The following SLC38A1 variants were observed in gnomAD, a reference collection of about 807,000 sequenced individuals.
SLC38A1 encodes solute carrier family 38 member 1, also known as sodium-coupled neutral amino acid symporter 1.
Under a neutral mutation model 60.3 loss-of-function variants are expected in SLC38A1, and 18 were observed. The ratio of observed to expected loss-of-function variants is 0.30; its 90% CI spans 0.21 to 0.44. The LOEUF (loss-of-function observed/expected upper bound fraction) is 0.44. SLC38A1 is among the 20% of genes least tolerant of loss of function. The probability of loss-of-function intolerance (pLI) is 1.00; values close to 1 mark genes in which losing one functional copy is unlikely to be tolerated. For missense variants in SLC38A1, 448 were observed against 587.2 expected (o/e 0.76, Z 2.45); for synonymous variants, 196 against 212.1 (o/e 0.92, Z 0.66).
At chr12:46,191,562 T>C (rs1458901832) in intron 16 of SLC38A1, among the ~76,000 whole-genome samples, 2 of 152,246 alleles carry the variant, frequency 1.3e-5, no homozygotes. Context: ...TTCCTATCCA[T>C]GAGCGTGGAA....
chr12:46,219,801 T>C (rs539047728), intron 5 of SLC38A1, among the ~76,000 whole-genome samples: 2 of 152,336 alleles, frequency 1.3e-5, no homozygotes, highest in East Asian at 3.9e-4. Flanking sequence ...ATAGCCAGTA[T>C]AGTTAAGTTG....
At chr12:46,211,921 T>A (rs942630449) in intron 5 of SLC38A1, among the ~76,000 whole-genome samples, 1 of 152,224 alleles carries the variant, frequency 6.6e-6, no homozygotes, top group Non-Finnish European at 1.5e-5. Flanking sequence ...CCCTTTTCTA[T>A]CAGATCACTA....
intron 5 of SLC38A1, among the ~76,000 whole-genome samples, chr12:46,222,502 C>A (rs956050375): frequency 2.0e-5 from 3 of 152,124 alleles, no homozygotes; most frequent in African/African-American, 7.2e-5. Flanking sequence ...TACTATGCTA[C>A]GCAGTAACAT....
At chr12:46,197,006 G>A (rs1255706964) in intron 16 of SLC38A1, among the ~76,000 whole-genome samples, 1 of 152,210 alleles carries the variant, frequency 6.6e-6, no homozygotes, top group Non-Finnish European at 1.5e-5. Flanking sequence ...CATGTTCCCT[G>A]GGCTGTAGGG....
intron 1 of SLC38A1, among the ~76,000 whole-genome samples, chr12:46,257,029 G>A (rs566417703): frequency 2.0e-5 from 3 of 152,286 alleles, no homozygotes; most frequent in South Asian, 2.1e-4. Flanking sequence ...TGGAGAAGGC[G>A]AAATGCTCAG....
intron 3 of SLC38A1, among the ~76,000 whole-genome samples, chr12:46,235,428 C>T (rs1492893): frequency 0.53 from 80,404 of 151,744 alleles, 21,416 homozygotes; most frequent in Non-Finnish European, 0.55. Flanking sequence ...AAGCAAGTAA[C>T]AAAGATATTG....
chr12:46,257,215 G>A (rs1391057832), intron 1 of SLC38A1, among the ~76,000 whole-genome samples: 1 of 152,126 alleles, frequency 6.6e-6, no homozygotes, highest in East Asian at 1.9e-4. Context: ...GTCACCCACA[G>A]CCATCAGCAG....
chr12:46,206,835 G>C (rs1387828081), intron 8 of SLC38A1, among the ~76,000 whole-genome samples: 1 of 152,080 alleles, frequency 6.6e-6, no homozygotes, highest in Non-Finnish European at 1.5e-5. Context: ...TTTGTTGCAC[G>C]TTCCACTTTT....
In SLC38A1 at chr12:46,251,613, C is replaced by G. The variant is rs140049892; in HGVS notation, c.-208-8299G>C. 5.3e-5 allele frequency among the ~76,000 whole-genome samples: 8 copies of G among 152,216 alleles called. No homozygotes were observed. In the East Asian group the frequency reaches 1.2e-3, roughly 22 times the overall value. On this transcript the variant is annotated intron_variant, in intron 1 of 16. Transcript: ENST00000398637. ...CTGACAAAGGGCTCATATCCAGAATCTACAAAGAACTTAAATAAATTTTCA... is the reference window on the plus strand; with the variant it reads ...CTGACAAAGGGCTCATATCCAGAATGTACAAAGAACTTAAATAAATTTTCA...
intron 1 of SLC38A1, among the ~76,000 whole-genome samples, chr12:46,251,578 A>G (rs898307391): frequency 3.3e-5 from 5 of 152,194 alleles, no homozygotes; most frequent in African/African-American, 4.8e-5. Flanking sequence ...ATGGGAGAAA[A>G]TCTACCCATC....
In SLC38A1 at chr12:46,186,891, G is replaced by T. The variant is rs1485081107; in HGVS notation, c.*2079C>A. On this transcript the variant is annotated 3_prime_UTR_variant, in exon 17 of 17. Coordinates refer to ENST00000398637, the MANE Select transcript of SLC38A1 (RefSeq NM_030674.4). ...GCAAACTAAATTATGTATTTTTAAA[G>T]GTACAGTCATCCCACTACCTGGCTA... The T allele has an allele frequency of 6.6e-6, 1 of 152,122 alleles. No homozygotes were observed. The highest frequency in any genetic ancestry group is 1.5e-5 in the Non-Finnish European group (1 of 68,018). The allele number at this position is 152,122 out of a possible 1,614,324, so 9.4% of individuals were successfully genotyped here.
At chr12:46,240,820 T>C (rs1184901815) in intron 2 of SLC38A1, among the ~76,000 whole-genome samples, 1 of 152,220 alleles carries the variant, frequency 6.6e-6, no homozygotes, top group Non-Finnish European at 1.5e-5. Context: ...ATCCAACTGC[T>C]ACTATATTAC....
rs1938895109 is a variant in SLC38A1, at chr12:46,185,247, TGCTACTGGTCTAGGG to T, written c.*3708_*3722del. 6.6e-6 allele frequency: 1 copy of T among 152,228 alleles called. No homozygotes were observed. The highest frequency in any genetic ancestry group is 1.5e-5 in the Non-Finnish European group (1 of 68,090). 9.4% of individuals were successfully genotyped at this position (152,228 alleles called of 1,614,324 possible). On this transcript the variant is annotated 3_prime_UTR_variant, in exon 17 of 17. Coordinates refer to ENST00000398637, the MANE Select transcript of SLC38A1 (RefSeq NM_030674.4). ...CTAATGAGGTCCCCGATGATGCTGA[TGCTACTGGTCTAGGG>T]GCCACACTTTGAGAACCACTGGCTT...
rs182712880 is a variant in SLC38A1 at position 46,221,042 on chromosome 12, T to C, written c.314+8111A>G. Among the ~76,000 whole-genome samples the C allele has an allele frequency of 1.6e-4, 25 of 152,314 alleles. No individual in the cohort carries two copies. In the East Asian group the frequency reaches 4.8e-3, roughly 29 times the overall value. ...AGAGAGAAGGGACCTGGTAGTCTGA[T>C]CTCAGTTTACAGAGACCCTTATATT... On this transcript the variant is annotated intron_variant, in intron 5 of 16. Coordinates refer to ENST00000398637, the MANE Select transcript of SLC38A1 (RefSeq NM_030674.4).
At chr12:46,229,758 G>C in intron 3 of SLC38A1, 119 bp from the exon 4 acceptor site, 2 of 874,734 alleles carry the variant, frequency 2.3e-6, no homozygotes, top group Non-Finnish European at 3.7e-6. Flanking sequence ...AGCTCTCTAA[G>C]AGTTTACAGC....
chr12:46,238,468 A>T (rs1421530733), intron 3 of SLC38A1, among the ~76,000 whole-genome samples: 1 of 152,232 alleles, frequency 6.6e-6, no homozygotes, highest in Admixed American at 6.5e-5. Context: ...GTTAGTTGAC[A>T]TAATGTTCTT....
In SLC38A1 at chr12:46,184,244, G is replaced by A. The variant is rs1347985285; in HGVS notation, c.*4726C>T. On this transcript the variant is annotated 3_prime_UTR_variant, in exon 17 of 17. Transcript: ENST00000398637. ...GACACCCCACCTTCAGCTTGTACCT[G>A]AAAGCTTTATCTCGTTATAAATAAT... The A allele has an allele frequency of 6.6e-6, 1 of 152,200 alleles. No homozygotes were observed. The highest frequency in any genetic ancestry group is 2.4e-5 in the African/African-American group (1 of 41,430). 9.4% of individuals were successfully genotyped at this position (152,200 alleles called of 1,614,324 possible). A position where few individuals can be genotyped will look rare whatever the true frequency, so the allele number is the denominator to read the frequency against.
At chr12:46,198,281 G>A (rs973927060) in intron 14 of SLC38A1, among the ~76,000 whole-genome samples, 1 of 151,642 alleles carries the variant, frequency 6.6e-6, no homozygotes, top group Non-Finnish European at 1.5e-5. Context: ...GTTGGGGGGT[G>A]TAATTTCTGT....
At chr12:46,266,794 C>A (rs1942366602) in intron 1 of SLC38A1, among the ~76,000 whole-genome samples, 1 of 152,052 alleles carries the variant, frequency 6.6e-6, no homozygotes, top group Non-Finnish European at 1.5e-5. Context: ...AGCGAATAAA[C>A]CTCAAGATTA....
Sources: allele counts gnomAD v4.1 joint callset (sites outside exome capture counted in the v4.1 genomes callset), GRCh38; gene constraint gnomAD v4.1.1; transcripts MANE v1.5; gene names NCBI Gene and HGNC (gene_info 2026-07-23, HGNC 2026-07-21).